The following DRC9 variants were observed in gnomAD, a reference collection of about 807,000 sequenced individuals.
DRC9 encodes dynein regulatory complex protein 9.
the DRC9 span, among the ~76,000 whole-genome samples, chr3:197,920,263 GAA>G: frequency 2.6e-5 from 4 of 151,794 alleles, no homozygotes; most frequent in Admixed American, 6.6e-5. Flanking sequence ...CTATGACTTA[GAA>G]TACCGGCTGA....
chr3:197,905,519 G>A, the DRC9 span, among the ~76,000 whole-genome samples: 3 of 152,122 alleles, frequency 2.0e-5, no homozygotes, highest in African/African-American at 7.2e-5. Context: ...GGCTGAGGCG[G>A]GTGGATCACC....
At chr3:197,926,370 C>G in the DRC9 span, among the ~76,000 whole-genome samples, 11 of 152,168 alleles carry the variant, frequency 7.2e-5, no homozygotes, top group Non-Finnish European at 1.3e-4. Flanking sequence ...TCTGGCTTGT[C>G]AGTGTCGAAT....
chr3:197,921,516 G>A, the DRC9 span, among the ~76,000 whole-genome samples: 3 of 147,068 alleles, frequency 2.0e-5, no homozygotes, highest in Non-Finnish European at 4.5e-5. Flanking sequence ...TGGTCGACCC[G>A]ACTACTGGTT....
the DRC9 span, chr3:197,913,612 C>T: frequency 1.7e-6 from 1 of 574,444 alleles, no homozygotes; most frequent in Non-Finnish European, 3.1e-6. Context: ...GATTGGTTTG[C>T]CAAAATAAGA....
At chr3:197,954,226 T>C in the DRC9 span, 4 of 1,492,808 alleles carry the variant, frequency 2.7e-6, no homozygotes, top group Admixed American at 7.0e-5. Flanking sequence ...TTCTGAGGAC[T>C]TCTGTGGTTG....
At chr3:197,919,306 A>G in the DRC9 span, among the ~76,000 whole-genome samples, 1 of 152,350 alleles carries the variant, frequency 6.6e-6, no homozygotes, top group East Asian at 1.9e-4. Context: ...CTATGATGGT[A>G]AAACCAAGAT....
At chr3:197,906,032 A>C in the DRC9 span, among the ~76,000 whole-genome samples, 5,359 of 150,990 alleles carry the variant, frequency 0.035, 329 homozygotes, top group African/African-American at 0.12. Flanking sequence ...AAAAAAAAAA[A>C]CTCATTTGTG....
At chr3:197,949,992 TC>T in the DRC9 span, 2 of 604,952 alleles carry the variant, frequency 3.3e-6, no homozygotes, top group Non-Finnish European at 2.4e-6. Context: ...CTTCCCTTGT[TC>T]CCAAGTAGTA....
At chr3:197,891,014 C>A in the DRC9 span, among the ~76,000 whole-genome samples, 3 of 152,160 alleles carry the variant, frequency 2.0e-5, no homozygotes, top group South Asian at 2.1e-4. Flanking sequence ...ACTAAAATAT[C>A]TCTATTTTTT....
chr3:197,938,822 G>A, the DRC9 span: 13 of 1,396,636 alleles, frequency 9.3e-6, no homozygotes, highest in Admixed American at 1.8e-5. Flanking sequence ...TTTTTAAAGA[G>A]ACAATACAAC....
At chr3:197,950,412 C>T in the DRC9 span, 17 of 994,760 alleles carry the variant, frequency 1.7e-5, no homozygotes, top group Admixed American at 2.6e-4. Context: ...ACCCGGAGAA[C>T]GGCTGCCCGG....
chr3:197,933,107 T>A, the DRC9 span, among the ~76,000 whole-genome samples: 2 of 124,510 alleles, frequency 1.6e-5, no homozygotes, highest in Non-Finnish European at 3.2e-5. Flanking sequence ...TATATATATA[T>A]AAAATACATA....
the DRC9 span, chr3:197,949,470 T>C: frequency 6.6e-6 from 1 of 152,088 alleles, no homozygotes; most frequent in Admixed American, 6.5e-5. Context: ...AAAAGAAGAA[T>C]GGAGGTAAGA....
chr3:197,958,433 G>T, the DRC9 span: 1 of 152,234 alleles, frequency 6.6e-6, no homozygotes, highest in Non-Finnish European at 1.5e-5. Flanking sequence ...TTCTGGCTTT[G>T]GGGGCTGGAT....
chr3:197,935,588 G>A, the DRC9 span, among the ~76,000 whole-genome samples: 1 of 152,026 alleles, frequency 6.6e-6, no homozygotes, highest in Non-Finnish European at 1.5e-5. Context: ...GGCTTGAGTG[G>A]TCCTCCCCCG....
the DRC9 span, among the ~76,000 whole-genome samples, chr3:197,917,935 ATGTTGGCCAGGC>A: frequency 6.6e-6 from 1 of 151,620 alleles, no homozygotes; most frequent in Non-Finnish European, 1.5e-5. Flanking sequence ...GGGTTTCACC[ATGTTGGCCAGGC>A]TGGTCTCCAG....
the DRC9 span, among the ~76,000 whole-genome samples, chr3:197,904,718 G>A: frequency 1.4e-4 from 21 of 152,102 alleles, no homozygotes. Flanking sequence ...AAATTAGCTG[G>A]GCGTGGTGGC....
chr3:197,925,964 C>G, the DRC9 span: 13 of 860,534 alleles, frequency 1.5e-5, no homozygotes, highest in Middle Eastern at 5.6e-4. Flanking sequence ...AAGATGGCTT[C>G]CATATATTTA....
the DRC9 span, among the ~76,000 whole-genome samples, chr3:197,927,258 ACT>A: frequency 6.6e-6 from 1 of 152,094 alleles, no homozygotes; most frequent in African/African-American, 2.4e-5. Flanking sequence ...ACAGAGTCTC[ACT>A]CTGTTCTCCA....
Sources: gnomAD v4.1 joint callset for allele counts (sites outside exome capture counted in the v4.1 genomes callset) on GRCh38, gnomAD v4.1.1 for gene constraint, MANE v1.5 for transcripts, NCBI Gene and HGNC (gene_info 2026-07-23, HGNC 2026-07-21) for gene names.